The following POU2F2 variants were observed in gnomAD, a reference collection of about 807,000 sequenced individuals.
POU2F2 encodes the protein POU domain, class 2, transcription factor 2.
Under a neutral mutation model 63.5 loss-of-function variants are expected in POU2F2, and 14 were observed. That is an observed-to-expected ratio of 0.22 (90% confidence interval 0.15 to 0.34). The LOEUF is 0.34. Among genes scored for constraint, POU2F2 ranks in the 10% least tolerant of loss-of-function variants. POU2F2 has a pLI of 1.00. For missense variants in POU2F2, 607 were observed against 815.2 expected (o/e 0.74, Z 3.11); for synonymous variants, 306 against 348.6 (o/e 0.88, Z 1.36).
chr19:42,096,262 G>T lies in POU2F2; in HGVS notation c.568-19C>A. ...TCACGGCCTGGTGGGGTGGGCAGGT[G>T]GGTGGGATGCAGGGCGGAGGACCAG... is the stretch of plus-strand genomic sequence containing the variant. On this transcript the variant is annotated intron_variant, in intron 7 of 14. Transcript: ENST00000692977. The surrounding 1 kb of genome is among the most constrained non-coding windows in gnomAD (Gnocchi z 4.1). 1.9e-6 allele frequency: 3 copies of T among 1,540,136 alleles called. No individual in the cohort carries two copies. Among genetic ancestry groups the T allele is most frequent in the East Asian group, 2.3e-5 (1 of 42,812 alleles).
intron 1 of POU2F2, among the ~76,000 whole-genome samples, chr19:42,175,386 G>C (rs907926141): frequency 1.3e-5 from 2 of 152,128 alleles, no homozygotes; most frequent in Non-Finnish European, 1.5e-5. Flanking sequence ...AGAGCAGCAA[G>C]AGTGATGAAT....
intron 1 of POU2F2, among the ~76,000 whole-genome samples, chr19:42,192,332 G>A (rs2035083175): frequency 6.6e-6 from 1 of 152,102 alleles, no homozygotes; most frequent in African/African-American, 2.4e-5. Flanking sequence ...TGGAACCTGA[G>A]GACATAAGCC....
At chr19:42,171,467 T>C (rs1240241983) in intron 1 of POU2F2, among the ~76,000 whole-genome samples, 1 of 149,856 alleles carries the variant, frequency 6.7e-6, no homozygotes, top group African/African-American at 2.5e-5. Context: ...TGTGTGTGTG[T>C]GTGCACTTTA....
upstream of POU2F2, chr19:42,132,789 A>C: frequency 4.2e-6 from 1 of 240,674 alleles, no homozygotes; most frequent in Non-Finnish European, 8.0e-6. Flanking sequence ...ACAACAATAA[A>C]ACACTAGCCA....
At chr19:42,187,982 A>G (rs1443317539) in intron 1 of POU2F2, among the ~76,000 whole-genome samples, 1 of 151,966 alleles carries the variant, frequency 6.6e-6, no homozygotes, top group Non-Finnish European at 1.5e-5. Context: ...GACTTTTTTA[A>G]ATCATTCTAT....
chr19:42,141,473 CTT>C (rs58221767), intron 2 of POU2F2, among the ~76,000 whole-genome samples: 8,123 of 98,150 alleles, frequency 0.083, 142 homozygotes, highest in Middle Eastern at 0.12. Flanking sequence ...CTTAATTAAT[CTT>C]TTTTTTTTTT....
rs1295285130 is a variant in POU2F2 at position 42,091,253 on chromosome 19, G to A, written c.*4C>T. The A allele has an allele frequency of 6.5e-7, 1 of 1,527,144 alleles. No individual in the cohort carries two copies. 94.6% of individuals were successfully genotyped at this position (1,527,144 alleles called of 1,614,324 possible). On this transcript the variant is annotated 3_prime_UTR_variant, in exon 15 of 15. Transcript: ENST00000692977. ...AGGAATGGGAGGGGAGGCATGGCTG[G>A]CCCTCACTCAGGTTTGGACCCTGCC...
upstream of POU2F2, among the ~76,000 whole-genome samples, chr19:42,176,886 T>A (rs2034894255): frequency 6.6e-6 from 1 of 151,246 alleles, no homozygotes; most frequent in African/African-American, 2.4e-5. Flanking sequence ...CCCGGAGAGC[T>A]CTCTGCAATA....
In POU2F2 at chr19:42,169,318, T is replaced by C. The variant is rs1366361602; in HGVS notation, c.-70+6645A>G. ...GTATTTCTATTCGTACATTTTCTAT[T>C]GAAAAACAAATCTCCACACGAGGAG... On this transcript the variant is annotated intron_variant, in intron 1 of 6. Transcript: ENST00000524801. The surrounding 1 kb of genome is among the most constrained non-coding windows in gnomAD (Gnocchi z 4.3). 3.3e-5 allele frequency among the ~76,000 whole-genome samples: 5 copies of C among 152,220 alleles called. No homozygotes were observed. Among genetic ancestry groups the C allele is most frequent in the Non-Finnish European group, 7.4e-5 (5 of 68,022 alleles).
At chr19:42,187,456 C>CA (rs35993667) in intron 1 of POU2F2, among the ~76,000 whole-genome samples, 958 of 48,394 alleles carry the variant, frequency 0.02, 15 homozygotes, top group Non-Finnish European at 0.022. Flanking sequence ...GACTCTGTCT[C>CA]AAAAAAAAAA....
intron 2 of POU2F2, among the ~76,000 whole-genome samples, chr19:42,144,205 C>T (rs1184975583): frequency 6.6e-6 from 1 of 152,194 alleles, no homozygotes; most frequent in Non-Finnish European, 1.5e-5. Context: ...CCACATTCAC[C>T]ATTCAGATTA....
chr19:42,154,591 A>G (rs1246239237), intron 2 of POU2F2, among the ~76,000 whole-genome samples: 2 of 152,150 alleles, frequency 1.3e-5, no homozygotes, highest in Admixed American at 1.3e-4. Flanking sequence ...GAAAGGGGGC[A>G]ATGCACAGAG....
chr19:42,104,000 A>G (rs1730440693), intron 5 of POU2F2, among the ~76,000 whole-genome samples: 1 of 152,302 alleles, frequency 6.6e-6, no homozygotes, highest in South Asian at 2.1e-4. Flanking sequence ...ATTAAAGAAG[A>G]AGAAAAAAGT....
At chr19:42,102,652 A>G (rs913929886) in intron 5 of POU2F2, among the ~76,000 whole-genome samples, 7 of 152,002 alleles carry the variant, frequency 4.6e-5, no homozygotes, top group African/African-American at 1.7e-4. Flanking sequence ...ATAAAGGGAA[A>G]AAAGGGGGGA....
intron 1 of POU2F2, among the ~76,000 whole-genome samples, chr19:42,168,297 T>G (rs1396594466): frequency 6.6e-6 from 1 of 152,194 alleles, no homozygotes; most frequent in African/African-American, 2.4e-5. Flanking sequence ...CTGGCTCACA[T>G]GCTCTGTCTA....
intron 7 of POU2F2, among the ~76,000 whole-genome samples, chr19:42,097,347 G>A (rs1391297818): frequency 4.6e-5 from 7 of 151,992 alleles, no homozygotes; most frequent in African/African-American, 9.7e-5. Flanking sequence ...ATAGGCATAC[G>A]CCACCACACC....
intron 1 of POU2F2, among the ~76,000 whole-genome samples, chr19:42,127,210 C>T (rs894833613): frequency 4.0e-5 from 6 of 151,876 alleles, no homozygotes; most frequent in African/African-American, 1.5e-4. Flanking sequence ...ATGCCTTGGC[C>T]TCCCAAAGTT....
chr19:42,154,083 C>G (rs2034410467), intron 2 of POU2F2, among the ~76,000 whole-genome samples: 2 of 151,782 alleles, frequency 1.3e-5, no homozygotes, highest in Admixed American at 1.3e-4. Flanking sequence ...CCCAACCCCC[C>G]CAGCGCCACC....
intron 1 of POU2F2, chr19:42,160,480 C>T (rs2034532456): frequency 1.3e-5 from 2 of 152,232 alleles, no homozygotes; most frequent in Admixed American, 6.5e-5. Context: ...AGGAACCCTC[C>T]TCCTGTCACA....
Sources: allele counts gnomAD v4.1 joint callset (sites outside exome capture counted in the v4.1 genomes callset), GRCh38; gene constraint gnomAD v4.1.1; non-coding constraint Gnocchi (gnomAD v3.1); transcripts MANE v1.5; gene names NCBI Gene and HGNC (gene_info 2026-07-23, HGNC 2026-07-21).